The following KCNH7 variants were observed in gnomAD, a reference collection of about 807,000 sequenced individuals.
KCNH7 encodes the protein potassium voltage-gated channel subfamily H member 7.
KCNH7 carries 49 observed loss-of-function variants against 120.8 expected under a neutral mutation model. That is an observed-to-expected ratio of 0.41 (90% confidence interval 0.32 to 0.51). The LOEUF (loss-of-function observed/expected upper bound fraction) is 0.51, where lower values mean the gene tolerates loss of function less well. KCNH7 is among the 20% of genes least tolerant of loss of function. The probability of loss-of-function intolerance (pLI) is 0.38; values close to 1 mark genes in which losing one functional copy is unlikely to be tolerated. For synonymous variants in KCNH7, 547 were observed against 516.1 expected (o/e 1.06, Z -0.81); for missense variants, 1,097 against 1,446.6 (o/e 0.76, Z 3.92).
At chr2:162,516,579 A>G (rs919986796) in intron 4 of KCNH7, among the ~76,000 whole-genome samples, 2 of 151,778 alleles carry the variant, frequency 1.3e-5, no homozygotes, top group Non-Finnish European at 2.9e-5. Context: ...AACACCTCAC[A>G]TTAAGAATTA....
intron 2 of KCNH7, among the ~76,000 whole-genome samples, chr2:162,607,720 T>C (rs1305050614): frequency 6.6e-6 from 1 of 152,142 alleles, no homozygotes. Flanking sequence ...AACAATTGCA[T>C]ACTTAAGTTG....
chr2:162,485,400 C>T (rs185752367), intron 6 of KCNH7, among the ~76,000 whole-genome samples: 129 of 152,244 alleles, frequency 8.5e-4, no homozygotes, highest in African/African-American at 3.1e-3. Context: ...TTTTTAATTG[C>T]TTTCAAGTAA....
chr2:162,734,152 C>T (rs1687821312), intron 2 of KCNH7, among the ~76,000 whole-genome samples: 1 of 151,884 alleles, frequency 6.6e-6, no homozygotes, highest in Non-Finnish European at 1.5e-5. Context: ...AAAAGCTCTA[C>T]ATAATAATAT....
At chr2:162,800,723 C>T (rs1684310679) in intron 2 of KCNH7, among the ~76,000 whole-genome samples, 1 of 151,864 alleles carries the variant, frequency 6.6e-6, no homozygotes, top group Non-Finnish European at 1.5e-5. Flanking sequence ...ATTCCTTGTG[C>T]TTTGAATGCT....
At chr2:162,716,107 A>G (rs978394210) in intron 2 of KCNH7, among the ~76,000 whole-genome samples, 4 of 152,142 alleles carry the variant, frequency 2.6e-5, no homozygotes, top group Non-Finnish European at 5.9e-5. Flanking sequence ...TAGAATGTCT[A>G]TCTATATAAA....
At chr2:162,503,714 A>G (rs1390986348) in intron 6 of KCNH7, among the ~76,000 whole-genome samples, 1 of 152,066 alleles carries the variant, frequency 6.6e-6, no homozygotes, top group East Asian at 1.9e-4. Context: ...TTGCTAAGCA[A>G]ATATACCGAG....
At chr2:162,593,770 C>T (rs565005807) in intron 2 of KCNH7, among the ~76,000 whole-genome samples, 2 of 152,048 alleles carry the variant, frequency 1.3e-5, no homozygotes, top group East Asian at 1.9e-4. Flanking sequence ...GATTTCCTTA[C>T]CATTTTGGTT....
At chr2:162,579,840 A>G (rs925547535) in intron 2 of KCNH7, among the ~76,000 whole-genome samples, 2 of 152,042 alleles carry the variant, frequency 1.3e-5, no homozygotes, top group Non-Finnish European at 2.9e-5. Context: ...AAGGCTGACA[A>G]CTGGAACTGT....
intron 3 of KCNH7, among the ~76,000 whole-genome samples, chr2:162,532,408 A>C (rs1691954553): frequency 6.6e-6 from 1 of 151,922 alleles, no homozygotes; most frequent in Non-Finnish European, 1.5e-5. Context: ...TAAAAAGTGC[A>C]CAAGACCCCA....
intron 2 of KCNH7, among the ~76,000 whole-genome samples, chr2:162,706,989 AG>A (rs1686728501): frequency 6.6e-6 from 1 of 152,136 alleles, no homozygotes; most frequent in African/African-American, 2.4e-5. Flanking sequence ...GTTCTTTAAC[AG>A]CACACTAGAA....
chr2:162,445,965 T>A (rs892706370), intron 7 of KCNH7, 53 bp downstream of exon 7: 2 of 1,379,430 alleles, frequency 1.4e-6, no homozygotes, highest in African/African-American at 2.9e-5. Context: ...TAAAATAGAT[T>A]CACTTTTATA....
chr2:162,470,641 C>T (rs1314635289), intron 6 of KCNH7, among the ~76,000 whole-genome samples: 2 of 151,716 alleles, frequency 1.3e-5, no homozygotes, highest in East Asian at 2.0e-4. Flanking sequence ...AGCCCCCCGC[C>T]CGGCCAGCCG....
intron 2 of KCNH7, among the ~76,000 whole-genome samples, chr2:162,547,226 C>T (rs577231034): frequency 3.9e-5 from 6 of 152,228 alleles, no homozygotes; most frequent in East Asian, 3.9e-4. Context: ...GCAAACCACC[C>T]ACATAATCCA....
At chr2:162,714,038 G>A (rs191769980) in intron 2 of KCNH7, among the ~76,000 whole-genome samples, 54 of 152,308 alleles carry the variant, frequency 3.5e-4, no homozygotes, top group African/African-American at 1.1e-3. Context: ...ATGAGCCACC[G>A]TGCCTAGCCA....
intron 2 of KCNH7, among the ~76,000 whole-genome samples, chr2:162,794,770 C>A (rs190341120): frequency 6.6e-6 from 1 of 151,870 alleles, no homozygotes; most frequent in African/African-American, 2.4e-5. Flanking sequence ...TAGTAATATA[C>A]GACAATGCCT....
At chr2:162,540,301 TC>T (rs1349847712) in intron 2 of KCNH7, among the ~76,000 whole-genome samples, 1 of 152,068 alleles carries the variant, frequency 6.6e-6, no homozygotes, top group Non-Finnish European at 1.5e-5. Context: ...ATCCACATTT[TC>T]TCCCCTGAGT....
chr2:162,585,971 T>G (rs1181710459), intron 2 of KCNH7, among the ~76,000 whole-genome samples: 2 of 152,084 alleles, frequency 1.3e-5, no homozygotes, highest in Admixed American at 6.6e-5. Context: ...GAAATGTATT[T>G]TCACATAATA....
intron 2 of KCNH7, among the ~76,000 whole-genome samples, chr2:162,780,928 TA>T (rs1223080985): frequency 1.3e-5 from 2 of 152,118 alleles, no homozygotes; most frequent in African/African-American, 4.8e-5. Flanking sequence ...GATATAACGT[TA>T]AATTGCCATC....
At chr2:162,838,331 C>G in intron 1 of KCNH7, 112 bp downstream of exon 1, 1 of 829,238 alleles carries the variant, frequency 1.2e-6, no homozygotes, top group Non-Finnish European at 2.0e-6. Flanking sequence ...TTCACAGCCT[C>G]TTAAGTTGAC....
Sources: allele counts gnomAD v4.1 joint callset (sites outside exome capture counted in the v4.1 genomes callset), GRCh38; gene constraint gnomAD v4.1.1; transcripts MANE v1.5; gene names NCBI Gene and HGNC (gene_info 2026-07-23, HGNC 2026-07-21).